Variants in FNTB observed in about 807,000 individuals in gnomAD.
The protein encoded by FNTB is farnesyltransferase, CAAX box, subunit beta, also known as protein farnesyltransferase subunit beta.
A neutral mutation model predicts 59.4 loss-of-function variants in FNTB; 27 were observed. The ratio of observed to expected loss-of-function variants is 0.45; its 90% CI spans 0.34 to 0.63. The LOEUF (loss-of-function observed/expected upper bound fraction) is 0.63, where lower values mean the gene tolerates loss of function less well. Among genes scored for constraint, FNTB ranks in the 20% least tolerant of loss-of-function variants. FNTB has a pLI of 0.02. For synonymous variants in FNTB, 230 were observed against 220.7 expected, an observed-to-expected ratio of 1.04 and a Z score of -0.37; for missense variants, 449 against 559.6, an observed-to-expected ratio of 0.80 and a Z score of 1.99.
Position 64,990,516 on chromosome 14 carries a change from G to T in FNTB, c.144+3419G>T, listed in dbSNP as rs2140034180. Among the ~76,000 whole-genome samples the T allele has an allele frequency of 6.6e-6, 1 of 152,238 alleles. No individual in the cohort carries two copies. The highest frequency in any genetic ancestry group is 2.4e-5 in the African/African-American group (1 of 41,530). On this transcript the variant is annotated intron_variant, in intron 1 of 11. Coordinates refer to ENST00000246166, the MANE Select transcript of FNTB (RefSeq NM_002028.4). The surrounding 1 kb of genome is among the most constrained non-coding windows in gnomAD (Gnocchi z 5.2). ...CCCTCTCCATCCTTCACACCTTCAG[G>T]TCTATGAGGAGTTCAGGTACCCCTG...
rs117439576 is a variant in FNTB at position 65,035,667 on chromosome 14, C to G, written c.692+2971C>G. On this transcript the variant is annotated intron_variant, in intron 7 of 11. Coordinates refer to ENST00000246166, the MANE Select transcript of FNTB (RefSeq NM_002028.4). ...ATCTCAACCTCCTAAGTAGCTGGGA[C>G]AACAAGCGCGTGCCACCATAACCAG... 3.6e-3 allele frequency among the ~76,000 whole-genome samples: 547 copies of G among 151,842 alleles called. 8 individuals are homozygous for G. The East Asian group carries it at 0.038, about 11-fold the overall frequency.
chr14:64,999,900 G>T (rs776467493), intron 1 of FNTB, among the ~76,000 whole-genome samples: 51 of 152,144 alleles, frequency 3.4e-4, no homozygotes, highest in Non-Finnish European at 6.9e-4. Context: ...ACACTATGTT[G>T]GGAAAATTTT....
In FNTB at chr14:64,991,569, A is replaced by G. The variant is rs1294709061; in HGVS notation, c.144+4472A>G. Among the ~76,000 whole-genome samples the G allele has an allele frequency of 1.3e-5, 2 of 152,176 alleles. No individual in the cohort carries two copies. Among genetic ancestry groups the G allele is most frequent in the Non-Finnish European group, 2.9e-5 (2 of 68,034 alleles). On this transcript the variant is annotated intron_variant, in intron 1 of 11. Coordinates refer to ENST00000246166, the MANE Select transcript of FNTB (RefSeq NM_002028.4). This position sits in a 1 kb window ranked among gnomAD's most constrained non-coding sequence, Gnocchi z 4.4. ...CAGTGAGCCGAGATTGCACCATTGC[A>G]CTCAAGCCTGGGTGACAGAGCAAGA... is the stretch of plus-strand genomic sequence containing the variant.
At position 65,014,626 on chromosome 14, in the gene FNTB, C is replaced by T. The variant is rs2061737300; in HGVS notation, c.283-999C>T. Among the ~76,000 whole-genome samples, 1 of 152,100 alleles carries T rather than the reference C, an allele frequency of 6.6e-6. No individual in the cohort carries two copies. The highest frequency in any genetic ancestry group is 2.4e-5 in the African/African-American group (1 of 41,434). ...CCCAGGAGTTCAAGACCAGCCTGGG[C>T]AACATAGTGGGATGCTGTCTCTATA... On this transcript the variant is annotated intron_variant, in intron 3 of 11. Transcript: ENST00000246166. The surrounding 1 kb of genome is among the most constrained non-coding windows in gnomAD (Gnocchi z 5.1).
rs2061693157 is a variant in FNTB at position 65,012,142 on chromosome 14, T to C, written c.210-175T>C. On this transcript the variant is annotated intron_variant, in intron 2 of 11. Coordinates refer to ENST00000246166, the MANE Select transcript of FNTB (RefSeq NM_002028.4). This position sits in a 1 kb window ranked among gnomAD's most constrained non-coding sequence, Gnocchi z 5.0. ...TTAGAGACATTCAGACAAGAGCTTC[T>C]TTTCTCTGGTTTAGTTGCTCTTTGG... 1.5e-6 allele frequency: 1 copy of C among 657,280 alleles called. No homozygotes were observed. The highest frequency in any genetic ancestry group is 2.9e-5 in the Admixed American group (1 of 34,214). 40.7% of individuals were successfully genotyped at this position (657,280 alleles called of 1,614,324 possible). A position where few individuals can be genotyped will look rare whatever the true frequency, so the allele number is the denominator to read the frequency against.
In FNTB at chr14:65,061,450, C is replaced by T; in HGVS notation, c.*138C>T. The T allele has an allele frequency of 7.3e-7, 1 of 1,367,976 alleles. No individual in the cohort carries two copies. Among genetic ancestry groups the T allele is most frequent in the Non-Finnish European group, 9.6e-7 (1 of 1,036,314 alleles). 84.7% of individuals were successfully genotyped at this position (1,367,976 alleles called of 1,614,324 possible). The stretch of plus-strand genomic sequence containing the variant: ...TGTGGTTCTCTTGGTACTTTCTTGT[C>T]AAACAAAACCAATGGCTCTGGGTTT... On this transcript the variant is annotated 3_prime_UTR_variant, in exon 12 of 12. Transcript: ENST00000246166.
chr14:65,006,515 A>C (rs1183923166), intron 2 of FNTB, among the ~76,000 whole-genome samples: 1 of 152,204 alleles, frequency 6.6e-6, no homozygotes, highest in Non-Finnish European at 1.5e-5. Context: ...CCCTAGGCAC[A>C]AGCTGGTTCA....
rs548710687 is a variant in FNTB, at chr14:65,028,611, C to T, written c.605+830C>T. On this transcript the variant is annotated intron_variant, in intron 6 of 11. Transcript: ENST00000246166. The surrounding 1 kb of genome is among the most constrained non-coding windows in gnomAD (Gnocchi z 4.4). Reference sequence around the variant, plus strand: ...GAAAGTATAGGGGAGGAAAAAACCACGAACATTGTGGAGCATAAAATACAT... The same window carrying T: ...GAAAGTATAGGGGAGGAAAAAACCATGAACATTGTGGAGCATAAAATACAT... Among the ~76,000 whole-genome samples the T allele has an allele frequency of 1.3e-5, 2 of 152,262 alleles. No individual in the cohort carries two copies. The highest frequency in any genetic ancestry group is 4.1e-4 in the South Asian group (2 of 4,820).
At chr14:65,035,912 G>C (rs951007678) in intron 7 of FNTB, among the ~76,000 whole-genome samples, 1 of 151,754 alleles carries the variant, frequency 6.6e-6, no homozygotes, top group African/African-American at 2.4e-5. Flanking sequence ...GCTCACTGCA[G>C]CCTTGACCTC....
chr14:65,044,292 C>G lies in FNTB; in HGVS notation c.823-19C>G. On this transcript the variant is annotated intron_variant, in intron 8 of 11. Transcript: ENST00000246166. This position sits in a 1 kb window ranked among gnomAD's most constrained non-coding sequence, Gnocchi z 5.5. ...TCTCTTTTAGCCTACAACTGCCTTT[C>G]CCATCTGTGTCTCCTCAGCAATGGG... 1 of 1,611,940 alleles carries G rather than the reference C, an allele frequency of 6.2e-7. No homozygotes were observed.
At chr14:65,022,674 T>TAA (rs534936170) in intron 4 of FNTB, among the ~76,000 whole-genome samples, 2 of 144,854 alleles carry the variant, frequency 1.4e-5, no homozygotes, top group Non-Finnish European at 3.1e-5. Flanking sequence ...GCCAAATACT[T>TAA]AAAAAAAAAA....
intron 2 of FNTB, chr14:65,006,264 G>C: frequency 6.2e-7 from 1 of 1,613,620 alleles, no homozygotes; most frequent in Non-Finnish European, 8.5e-7. Flanking sequence ...CAGGTGGGAG[G>C]GTTAACTTCA....
At chr14:64,988,525 C>G (rs1398588578) in intron 1 of FNTB, among the ~76,000 whole-genome samples, 1 of 151,000 alleles carries the variant, frequency 6.6e-6, no homozygotes, top group Non-Finnish European at 1.5e-5. Flanking sequence ...CCCTCCGCCT[C>G]CCGGGTTCAC....
In FNTB at chr14:65,044,555, T is replaced by C. The variant is rs557967841; in HGVS notation, c.955+112T>C. 3.2e-4 allele frequency: 465 copies of C among 1,471,122 alleles called. 1 individual carries two copies. The highest frequency in any genetic ancestry group is 2.5e-3 in the Middle Eastern group (14 of 5,566). The allele number at this position is 1,471,122 out of a possible 1,614,324, so 91.1% of individuals were successfully genotyped here. A position where few individuals can be genotyped will look rare whatever the true frequency, so the allele number is the denominator to read the frequency against. Reference sequence around the variant, plus strand: ...GGGTTGAAATGAGCTCTGTCTATCCTGGATTTTGAGTGCCCAGTGTGGAAC... The same window carrying C: ...GGGTTGAAATGAGCTCTGTCTATCCCGGATTTTGAGTGCCCAGTGTGGAAC... On this transcript the variant is annotated intron_variant, in intron 9 of 11. Coordinates refer to ENST00000246166, the MANE Select transcript of FNTB (RefSeq NM_002028.4). This position sits in a 1 kb window ranked among gnomAD's most constrained non-coding sequence, Gnocchi z 5.5.
chr14:65,010,093 T>C (rs2061660278), intron 2 of FNTB, among the ~76,000 whole-genome samples: 1 of 152,214 alleles, frequency 6.6e-6, no homozygotes. Context: ...AGCCCTTCTG[T>C]GGTTTGTTGT....
At chr14:65,059,524 G>A (rs1010071286) in intron 11 of FNTB, among the ~76,000 whole-genome samples, 1 of 151,938 alleles carries the variant, frequency 6.6e-6, no homozygotes, top group African/African-American at 2.4e-5. Flanking sequence ...GTCAATTTTG[G>A]CAGTTTTCCT....
intron 8 of FNTB, among the ~76,000 whole-genome samples, chr14:65,042,416 G>A (rs187593349): frequency 6.6e-6 from 1 of 152,286 alleles, no homozygotes; most frequent in African/African-American, 2.4e-5. Flanking sequence ...CATGTAGAGC[G>A]TGCAACCTAG....
rs2062513330 is a variant in FNTB, at chr14:65,047,666, A to G, written c.955+3223A>G. Among the ~76,000 whole-genome samples the G allele has an allele frequency of 6.6e-6, 1 of 152,196 alleles. No homozygotes were observed. Among genetic ancestry groups the G allele is most frequent in the Admixed American group, 6.5e-5 (1 of 15,274 alleles). ...GAACACAGCAAGTGCACTGTCAGGA[A>G]TTTACCTGCAGGGATATTAGCAAAG... On this transcript the variant is annotated intron_variant, in intron 9 of 11. Coordinates refer to ENST00000246166, the MANE Select transcript of FNTB (RefSeq NM_002028.4). This position sits in a 1 kb window ranked among gnomAD's most constrained non-coding sequence, Gnocchi z 5.2.
intron 2 of FNTB, among the ~76,000 whole-genome samples, chr14:65,005,505 CTTTCTT>C (rs760082527): frequency 0.12 from 13,882 of 120,014 alleles, 698 homozygotes; most frequent in East Asian, 0.15. Context: ...TTCTTTCTTT[CTTTCTT>C]TCTCTCTCTC....
Sources: gnomAD v4.1 joint callset for allele counts (sites outside exome capture counted in the v4.1 genomes callset) on GRCh38, gnomAD v4.1.1 for gene constraint, Gnocchi (gnomAD v3.1) non-coding constraint, MANE v1.5 for transcripts, NCBI Gene and HGNC (gene_info 2026-07-23, HGNC 2026-07-21) for gene names.